Variants in USP9X observed in about 807,000 individuals in gnomAD.
USP9X encodes ubiquitin carboxyl-terminal hydrolase 9X.
Under a neutral mutation model 190.3 loss-of-function variants are expected in USP9X, and 7 were observed. That is an observed-to-expected ratio of 0.04 (90% CI 0.02 to 0.07). The LOEUF is 0.07. USP9X is among the 10% of genes least tolerant of loss of function. The pLI is 1.00. For missense variants in USP9X, 1,010 were observed against 1,916.9 expected, an observed-to-expected ratio of 0.53 and a Z score of 8.83; for synonymous variants, 645 against 659.5, an observed-to-expected ratio of 0.98 and a Z score of 0.34.
chrX:41,185,578 T>A (rs968048822), intron 23 of USP9X, among the ~76,000 whole-genome samples: 3 of 111,551 alleles, frequency 2.7e-5, no homozygotes, highest in African/African-American at 9.8e-5. Flanking sequence ...CTTTGATGTG[T>A]GTTACGAATT....
chrX:41,140,885 A>G, intron 7 of USP9X, 81 bp from the exon 8 acceptor site: 2 of 1,084,207 alleles, frequency 1.8e-6, no homozygotes, highest in Non-Finnish European at 2.4e-6. Context: ...GGATTTTTTA[A>G]AAGTAATATA....
rs2062695603 is a variant in USP9X at position 41,168,371 on chromosome X, C to T, written c.2636+153C>T. On this transcript the variant is annotated intron_variant, in intron 18 of 44. Coordinates refer to ENST00000378308, the MANE Select transcript of USP9X (RefSeq NM_001039591.3). Reference sequence around the variant, plus strand: ...CATTTCATCTAATTTTTTTTAATAACCTCCCCCACTCTCCCATCTGGTTTT... The same window carrying T: ...CATTTCATCTAATTTTTTTTAATAATCTCCCCCACTCTCCCATCTGGTTTT... 8 of 449,720 alleles carry T rather than the reference C, an allele frequency of 1.8e-5. No homozygotes were observed. The South Asian group carries it at 5.1e-4, about 29-fold the overall frequency. The allele number at this position is 449,720 out of a possible 1,213,427, so 37.1% of individuals were successfully genotyped here.
intron 2 of USP9X, among the ~76,000 whole-genome samples, chrX:41,125,680 A>ACCCT (rs1270231301): frequency 3.8e-5 from 1 of 26,656 alleles, no homozygotes; most frequent in Admixed American, 6.7e-4. Context: ...ACACACACAC[A>ACCCT]CACACTCTCT....
intron 2 of USP9X, among the ~76,000 whole-genome samples, chrX:41,125,668 A>ACG (rs1569158665): frequency 1.9e-5 from 1 of 52,419 alleles, no homozygotes; most frequent in Non-Finnish European, 3.6e-5. Context: ...ACACACACAC[A>ACG]CACACACACA....
chrX:41,170,613 T>A lies in USP9X; in HGVS notation c.3021T>A (p.Pro1007=). The A allele has an allele frequency of 8.3e-7, 1 of 1,209,600 alleles. No homozygotes were observed. The highest frequency in any genetic ancestry group is 1.1e-6 in the Non-Finnish European group (1 of 894,457). ...ATCCAGAAGTGGAAAGCTGTTTGCC[T>A]GGAGTGGTGAGTAGATACAGTTTTG... is the stretch of plus-strand genomic sequence containing the variant. ...GPNPEVESCL[P]GVIMSLHPRY... is the part of the protein sequence containing the mutation. Residue 1007 remains proline, a synonymous_variant, in exon 20 of 45, where the codon CCT becomes CCA. Transcript: ENST00000378308.
chrX:41,204,515 ACTTTATT>A (rs2063072934), intron 31 of USP9X, among the ~76,000 whole-genome samples: 1 of 110,327 alleles, frequency 9.1e-6, no homozygotes. Flanking sequence ...TAAGGGCTCA[ACTTTATT>A]CTTTTGCATG....
intron 1 of USP9X, among the ~76,000 whole-genome samples, chrX:41,103,789 G>A (rs780480354): frequency 9.0e-6 from 1 of 111,423 alleles, no homozygotes; most frequent in Non-Finnish European, 1.9e-5. Flanking sequence ...TATTATTGCT[G>A]GAAACCTAGC....
chrX:41,114,240 C>T (rs1014182449), intron 1 of USP9X, among the ~76,000 whole-genome samples: 2 of 111,429 alleles, frequency 1.8e-5, no homozygotes, highest in African/African-American at 3.3e-5. Context: ...GTGGTGCTGG[C>T]GAACAGGCTC....
rs772255887 is a variant in USP9X at position 41,226,757 on chromosome X, A to G, written c.7061+1620A>G. 1.1e-4 allele frequency among the ~76,000 whole-genome samples: 12 copies of G among 112,176 alleles called. No individual in the cohort carries two copies. The East Asian group carries it at 3.1e-3, about 29-fold the overall frequency. ...TCAGTGCCCTTCTAAATATGTTCATAGGATTTGAAAGCTTCCTTCAGAGTA... is the reference window on the plus strand; with the variant it reads ...TCAGTGCCCTTCTAAATATGTTCATGGGATTTGAAAGCTTCCTTCAGAGTA... On this transcript the variant is annotated intron_variant, in intron 41 of 44. Transcript: ENST00000378308.
chrX:41,160,604 C>G (rs1305491634), intron 14 of USP9X, among the ~76,000 whole-genome samples: 1 of 111,373 alleles, frequency 9.0e-6, no homozygotes, highest in Non-Finnish European at 1.9e-5. Context: ...CTACAAATTA[C>G]TTATTAATTA....
In USP9X at chrX:41,189,178, C is replaced by T. The variant is rs2062909203; in HGVS notation, c.3811-131C>T. ...ATTCCAAAGGGGCCTCAAGAGTTAA[C>T]ATGCAGCCATGGAGAGGCTGAGGCC... On this transcript the variant is annotated intron_variant, in intron 25 of 44. Coordinates refer to ENST00000378308, the MANE Select transcript of USP9X (RefSeq NM_001039591.3). 1.1e-5 allele frequency: 6 copies of T among 529,334 alleles called. No homozygotes were observed. In the East Asian group the frequency reaches 2.1e-4, roughly 18 times the overall value. The allele number at this position is 529,334 out of a possible 1,213,427, so 43.6% of individuals were successfully genotyped here.
chrX:41,131,554 A>G lies in USP9X; in HGVS notation c.322+18A>G, dbSNP rs759253670. The stretch of plus-strand genomic sequence containing the variant: ...TAAAAAGGGTAAGTTATATGTTTTT[A>G]TGCTTCCTATAATGTATGCTACTAG... On this transcript the variant is annotated intron_variant, in intron 4 of 44. Transcript: ENST00000378308. The G allele has an allele frequency of 1.1e-4, 131 of 1,164,746 alleles. No homozygotes were observed. In the South Asian group the frequency reaches 1.5e-3, roughly 13 times the overall value.
At chrX:41,115,221 CA>C (rs752591677) in intron 1 of USP9X, among the ~76,000 whole-genome samples, 78 of 42,794 alleles carry the variant, frequency 1.8e-3, no homozygotes, top group Admixed American at 2.7e-3. Flanking sequence ...ACTCCGTCTC[CA>C]AAAAAAAAAA....
At chrX:41,164,265 A>G (rs2062660153) in intron 15 of USP9X, among the ~76,000 whole-genome samples, 1 of 111,192 alleles carries the variant, frequency 9.0e-6, no homozygotes, top group Non-Finnish European at 1.9e-5. Flanking sequence ...TTATGGAGAA[A>G]ATTTTAAGTA....
At chrX:41,177,810 T>C (rs2062788527) in intron 21 of USP9X, among the ~76,000 whole-genome samples, 1 of 111,237 alleles carries the variant, frequency 9.0e-6, no homozygotes, top group Non-Finnish European at 1.9e-5. Flanking sequence ...ATCACTCTTA[T>C]GGGTTTATTT....
chrX:41,158,749 C>T (rs1178035506), intron 14 of USP9X, among the ~76,000 whole-genome samples: 1 of 111,486 alleles, frequency 9.0e-6, no homozygotes, highest in Non-Finnish European at 1.9e-5. Context: ...GGGGGCTCAC[C>T]TCCTGCTGTG....
chrX:41,213,254 G>A (rs776891893), intron 33 of USP9X, among the ~76,000 whole-genome samples: 34 of 111,364 alleles, frequency 3.1e-4, no homozygotes, highest in Admixed American at 1.1e-3. Flanking sequence ...CTGTGATCAT[G>A]CCACTACATT....
chrX:41,208,221 C>T (rs191525664), intron 32 of USP9X, among the ~76,000 whole-genome samples: 35 of 111,145 alleles, frequency 3.1e-4, no homozygotes, highest in African/African-American at 9.5e-4. Flanking sequence ...GACTGGGTTT[C>T]ACCATATTCA....
intron 10 of USP9X, 32 bp from the exon 11 acceptor site, chrX:41,144,490 T>A (rs756192569): frequency 4.6e-6 from 5 of 1,091,765 alleles, no homozygotes; most frequent in Non-Finnish European, 6.4e-6. Context: ...CAGATTCTTG[T>A]GCATTGTGAT....
Sources: allele counts gnomAD v4.1 joint callset (sites outside exome capture counted in the v4.1 genomes callset), GRCh38; gene constraint gnomAD v4.1.1; transcripts MANE v1.5; gene names NCBI Gene and HGNC (gene_info 2026-07-23, HGNC 2026-07-21).